The following TTC3 variants were observed in gnomAD, a reference collection of about 807,000 sequenced individuals.
TTC3 encodes E3 ubiquitin-protein ligase TTC3.
A neutral mutation model predicts 249.6 loss-of-function variants in TTC3; 180 were observed. That is an observed-to-expected ratio of 0.72 (90% CI 0.64 to 0.82). TTC3 has a LOEUF of 0.82. TTC3 is among the 40% of genes least tolerant of loss of function. The pLI, the probability that TTC3 is intolerant of heterozygous loss-of-function variation, is 0.00. For missense variants in TTC3, 2,061 were observed against 2,398.4 expected, an observed-to-expected ratio of 0.86 and a Z score of 2.94; for synonymous variants, 717 against 805.0, an observed-to-expected ratio of 0.89 and a Z score of 1.85.
At chr21:37,159,007 A>G (rs1203918622) in intron 28 of TTC3, among the ~76,000 whole-genome samples, 2 of 152,144 alleles carry the variant, frequency 1.3e-5, no homozygotes. Flanking sequence ...ACATCTGTCT[A>G]ACATTCTGTT....
intron 10 of TTC3, among the ~76,000 whole-genome samples, chr21:37,104,281 C>T (rs541967301): frequency 1.3e-5 from 2 of 152,092 alleles, no homozygotes; most frequent in South Asian, 2.1e-4. Context: ...ACTTCACTCT[C>T]GGACACTGAA....
intron 23 of TTC3, among the ~76,000 whole-genome samples, chr21:37,149,120 C>A (rs1034939835): frequency 3.9e-5 from 6 of 152,082 alleles, no homozygotes; most frequent in African/African-American, 1.4e-4. Context: ...TTTAAACTGC[C>A]ATTTCTCTCC....
At chr21:37,150,583 G>A (rs569749204) in intron 24 of TTC3, among the ~76,000 whole-genome samples, 10 of 152,208 alleles carry the variant, frequency 6.6e-5, no homozygotes, top group Middle Eastern at 3.4e-3. Flanking sequence ...TTATTAGATC[G>A]TCTGCTTACT....
intron 1 of TTC3, among the ~76,000 whole-genome samples, chr21:37,078,632 A>AT (rs1275331115): frequency 6.6e-6 from 1 of 152,098 alleles, no homozygotes; most frequent in Non-Finnish European, 1.5e-5. Flanking sequence ...AATTTAATGA[A>AT]TTTTTAAAAA....
intron 13 of TTC3, 72 bp from the exon 14 acceptor site, chr21:37,124,547 A>G: frequency 4.6e-6 from 7 of 1,529,736 alleles, no homozygotes; most frequent in Non-Finnish European, 6.2e-6. Context: ...AAAGGCTGTG[A>G]TTGCTGCAAC....
At chr21:37,084,082 T>C (rs1302747922) in intron 1 of TTC3, 1 of 152,198 alleles carries the variant, frequency 6.6e-6, no homozygotes, top group Non-Finnish European at 1.5e-5. Context: ...AAAATCACGG[T>C]GAAGCTATGC....
At chr21:37,193,188 G>A (rs1202158993) in intron 41 of TTC3, among the ~76,000 whole-genome samples, 16 of 151,578 alleles carry the variant, frequency 1.1e-4, no homozygotes, top group Admixed American at 9.9e-4. Context: ...TTCCTAGCCT[G>A]GAGCACTGTC....
chr21:37,175,118 G>A (rs1043606161), intron 35 of TTC3, among the ~76,000 whole-genome samples: 3 of 140,404 alleles, frequency 2.1e-5, no homozygotes, highest in African/African-American at 8.3e-5. Context: ...AAAAAAATTA[G>A]CCAGGTATGG....
intron 1 of TTC3, among the ~76,000 whole-genome samples, chr21:37,076,131 A>G (rs2070831148): frequency 6.6e-6 from 1 of 152,182 alleles, no homozygotes; most frequent in Non-Finnish European, 1.5e-5. Context: ...TCAGATATGT[A>G]TACATCCCTC....
At chr21:37,194,724 T>C (rs1399407499) in intron 41 of TTC3, 1 of 152,192 alleles carries the variant, frequency 6.6e-6, no homozygotes, top group African/African-American at 2.4e-5. Flanking sequence ...GGTTCGGTAC[T>C]CTTTGCGACC....
intron 27 of TTC3, among the ~76,000 whole-genome samples, chr21:37,156,100 C>T (rs777079892): frequency 2.7e-4 from 41 of 151,514 alleles, no homozygotes; most frequent in Non-Finnish European, 4.9e-4. Context: ...GCAGTGGCGC[C>T]GTCATAGCTC....
chr21:37,126,625 C>G (rs1430499262), intron 15 of TTC3, among the ~76,000 whole-genome samples: 1 of 152,090 alleles, frequency 6.6e-6, no homozygotes, highest in Non-Finnish European at 1.5e-5. Flanking sequence ...GTGATATCAC[C>G]CATATTGAGA....
chr21:37,091,359 A>C (rs756703917), exon 7 of TTC3: 3 of 1,611,244 alleles, frequency 1.9e-6, no homozygotes, highest in Non-Finnish European at 2.5e-6. Flanking sequence ...AATTCTAACT[A>C]AATTAGGATC....
At chr21:37,123,132 A>G (rs1020823915) in intron 13 of TTC3, 104 bp downstream of exon 13, 5 of 1,207,244 alleles carry the variant, frequency 4.1e-6, no homozygotes, top group Non-Finnish European at 6.1e-6. Flanking sequence ...TAGCAACCAC[A>G]GTAAAGTTGG....
rs565611168 is a variant in TTC3 at position 37,087,289 on chromosome 21, TGGC to T, written c.35_37del (p.Ala12del). ...AATTTTGCTGAGGGAGATTTCACTG[TGGC>T]GGATTATGCCTTGTTAGAAGATTGC... On this transcript the variant is annotated inframe_deletion, in exon 2 of 46. Transcript: ENST00000355666. 3,581 of 1,614,124 alleles carry T rather than the reference TGGC, an allele frequency of 2.2e-3. 8 individuals are homozygous for T. The highest frequency in any genetic ancestry group is 2.8e-3 in the Middle Eastern group (17 of 6,026).
chr21:37,094,097 A>G lies in TTC3; in HGVS notation c.687+7A>G, dbSNP rs769185381. Reference sequence around the variant, plus strand: ...TTGTATGGATTGTATAGAGGTGAGAATGAATATTATAAATATATTTTAAGA... The same window carrying G: ...TTGTATGGATTGTATAGAGGTGAGAGTGAATATTATAAATATATTTTAAGA... On this transcript the variant is annotated splice_region_variant and intron_variant, in intron 8 of 45. Coordinates refer to ENST00000355666, the Ensembl canonical transcript of TTC3. 3.3e-6 allele frequency: 5 copies of G among 1,510,906 alleles called. No individual in the cohort carries two copies. The South Asian group carries it at 5.1e-5, about 15-fold the overall frequency. 93.6% of individuals were successfully genotyped at this position (1,510,906 alleles called of 1,614,324 possible). A position where few individuals can be genotyped will look rare whatever the true frequency, so the allele number is the denominator to read the frequency against.
Position 37,121,555 on chromosome 21 carries a change from G to C in TTC3, c.901-262G>C, listed in dbSNP as rs1195698154. On this transcript the variant is annotated intron_variant, in intron 11 of 45. Coordinates refer to ENST00000355666, the Ensembl canonical transcript of TTC3. The stretch of plus-strand genomic sequence containing the variant: ...CAAAATATAACAAAAGTTGAACTCT[G>C]CTGGGGGTACAGAAATTTCTTAAGC... 3.3e-5 allele frequency among the ~76,000 whole-genome samples: 5 copies of C among 152,300 alleles called. No homozygotes were observed. In the East Asian group the frequency reaches 9.6e-4, roughly 29 times the overall value.
At chr21:37,174,795 ATGTAT>A (rs892346912) in intron 35 of TTC3, among the ~76,000 whole-genome samples, 8 of 152,246 alleles carry the variant, frequency 5.3e-5, no homozygotes, top group Admixed American at 3.9e-4. Flanking sequence ...CTCATTAATA[ATGTAT>A]TGTCTACTTC....
intron 18 of TTC3, among the ~76,000 whole-genome samples, chr21:37,136,078 TAAGA>T (rs534275856): frequency 8.7e-4 from 133 of 152,288 alleles, no homozygotes; most frequent in African/African-American, 2.9e-3. Context: ...TGTGCCTATG[TAAGA>T]AAGGGAACTT....
Sources: allele counts gnomAD v4.1 joint callset (sites outside exome capture counted in the v4.1 genomes callset), GRCh38; gene constraint gnomAD v4.1.1; transcripts MANE v1.5; gene names NCBI Gene and HGNC (gene_info 2026-07-23, HGNC 2026-07-21).